Variants in THBS2 observed in about 807,000 individuals in gnomAD.
THBS2 encodes thrombospondin-2.
In THBS2, 47 loss-of-function variants were observed where a neutral mutation model predicts 135.2. The ratio of observed to expected loss-of-function variants is 0.35; its 90% CI spans 0.28 to 0.44. The LOEUF (loss-of-function observed/expected upper bound fraction) is 0.44, where lower values mean the gene tolerates loss of function less well. Ranked by LOEUF, THBS2 falls within the 20% of genes least tolerant of loss-of-function variation. The pLI is 1.00. For synonymous variants in THBS2, 639 were observed against 633.8 expected (o/e 1.01, Z -0.12); for missense variants, 1,288 against 1,603.1 (o/e 0.80, Z 3.36).
intron 3 of THBS2, among the ~76,000 whole-genome samples, chr6:169,246,898 T>C (rs2115031219): frequency 6.6e-6 from 1 of 152,366 alleles, no homozygotes; most frequent in East Asian, 1.9e-4. Flanking sequence ...GGGAGCAATG[T>C]ACCATACACC....
At chr6:169,246,103 G>T in intron 4 of THBS2, 94 bp downstream of exon 4, 1 of 1,002,960 alleles carries the variant, frequency 1.0e-6, no homozygotes, top group Non-Finnish European at 1.5e-6. Flanking sequence ...TTACAAGCAT[G>T]AATGCACACA....
intron 3 of THBS2, among the ~76,000 whole-genome samples, chr6:169,247,686 G>A (rs960734016): frequency 6.6e-6 from 1 of 151,708 alleles, no homozygotes; most frequent in African/African-American, 2.4e-5. Flanking sequence ...CACCTGTTTT[G>A]TGCACACATG....
At position 169,217,435 on chromosome 6, in the gene THBS2, T is replaced by C. The variant is rs1779215092; in HGVS notation, c.*387A>G. 1 of 209,266 alleles carries C rather than the reference T, an allele frequency of 4.8e-6. No homozygotes were observed. Among genetic ancestry groups the C allele is most frequent in the Non-Finnish European group, 9.4e-6 (1 of 106,048 alleles). The allele number at this position is 209,266 out of a possible 1,614,324, so 13.0% of individuals were successfully genotyped here. A position where few individuals can be genotyped will look rare whatever the true frequency, so the allele number is the denominator to read the frequency against. On this transcript the variant is annotated 3_prime_UTR_variant, in exon 22 of 22. Transcript: ENST00000617924. ...AATATTTTTCATGCTTAATTTATCA[T>C]AATGGCTTATGCACAGTATTCCCTT...
intron 7 of THBS2, 38 bp from the exon 8 acceptor site, chr6:169,237,833 C>T: frequency 3.1e-6 from 5 of 1,591,892 alleles, no homozygotes; most frequent in Non-Finnish European, 3.4e-6. Context: ...TCAGGCCCTG[C>T]CTCACAGACG....
In THBS2 at chr6:169,223,332, T is replaced by C; in HGVS notation, c.2917A>G (p.Thr973Ala). The C allele has an allele frequency of 6.2e-7, 1 of 1,614,210 alleles. No individual in the cohort carries two copies. The highest frequency in any genetic ancestry group is 8.5e-7 in the Non-Finnish European group (1 of 1,180,052). ...QMVPLDPKGT[T>A]QIDPNWVIRH... ...ATGACCCAGTTGGGATCAATTTGGG[T>C]GGTCCCTTTGGGATCCAAGGGGACC... Residue 973 changes from threonine to alanine, a missense_variant, in exon 18 of 22, where the codon ACC becomes GCC. Transcript: ENST00000617924.
intron 4 of THBS2, among the ~76,000 whole-genome samples, chr6:169,243,137 CG>C (rs1220061250): frequency 7.3e-6 from 1 of 136,990 alleles, no homozygotes; most frequent in East Asian, 2.4e-4. Flanking sequence ...ACCTTCCCAC[CG>C]CTCCCACCTT....
At chr6:169,224,511 C>T (rs895022861) in intron 17 of THBS2, among the ~76,000 whole-genome samples, 7 of 150,786 alleles carry the variant, frequency 4.6e-5, no homozygotes, top group South Asian at 4.2e-4. Flanking sequence ...CTGTCAAGGA[C>T]GTGGCTTCCA....
chr6:169,221,359 A>G, intron 20 of THBS2, 71 bp downstream of exon 20: 4 of 1,375,044 alleles, frequency 2.9e-6, no homozygotes, highest in Admixed American at 3.4e-5. Context: ...TTATTTGTCT[A>G]TTAATGTTCA....
chr6:169,223,688 T>G (rs904130299), intron 17 of THBS2, among the ~76,000 whole-genome samples: 1 of 152,134 alleles, frequency 6.6e-6, no homozygotes, highest in Admixed American at 6.5e-5. Context: ...TTCACAAAAT[T>G]TTTGTGATAA....
intron 3 of THBS2, among the ~76,000 whole-genome samples, chr6:169,248,174 T>TG (rs1780620801): frequency 6.6e-6 from 1 of 150,836 alleles, no homozygotes; most frequent in Non-Finnish European, 1.5e-5. Context: ...AGCATGTGTG[T>TG]TTGTGTGTGT....
At chr6:169,234,408 C>T in intron 10 of THBS2, 1 of 276,014 alleles carries the variant, frequency 3.6e-6, no homozygotes. Context: ...CACCACATAC[C>T]ATGCCACACA....
At position 169,220,338 on chromosome 6, in the gene THBS2, C is replaced by CT; in HGVS notation, c.3372-2dup. 1.3e-6 allele frequency: 2 copies of CT among 1,599,314 alleles called. No individual in the cohort carries two copies. Among genetic ancestry groups the CT allele is most frequent in the Non-Finnish European group, 1.7e-6 (2 of 1,173,152 alleles). On this transcript the variant is annotated splice_acceptor_variant, in intron 20 of 21. Coordinates refer to ENST00000617924, the MANE Select transcript of THBS2 (RefSeq NM_003247.5). LOFTEE classifies it high-confidence loss of function. Reference sequence around the variant, plus strand: ...CTGTTTTCCTTCATGCACTAAGACTCTAAAAATGGTGTTTAAAAAGAAGAA... The same window carrying CT: ...CTGTTTTCCTTCATGCACTAAGACTCTTAAAAATGGTGTTTAAAAAGAAGAA...
At position 169,250,567 on chromosome 6, in the gene THBS2, A is replaced by C. The variant is rs1780718527; in HGVS notation, c.52+166T>G. 3.3e-5 allele frequency among the ~76,000 whole-genome samples: 5 copies of C among 152,202 alleles called. No homozygotes were observed. In the South Asian group the frequency reaches 1.0e-3, roughly 32 times the overall value. ...GAATTTTCCAAAGATAAATTATCTC[A>C]TGTCATATTGGCTCAGAAGTAAGTT... is the stretch of plus-strand genomic sequence containing the variant. On this transcript the variant is annotated intron_variant, in intron 2 of 21. Transcript: ENST00000617924.
intron 9 of THBS2, among the ~76,000 whole-genome samples, chr6:169,235,324 ACAC>A (rs1017928022): frequency 6.6e-6 from 1 of 151,698 alleles, no homozygotes; most frequent in African/African-American, 2.4e-5. Context: ...GCCCGGCCCC[ACAC>A]CACCATTTAC....
At chr6:169,244,313 AAC>A (rs35075375) in intron 4 of THBS2, among the ~76,000 whole-genome samples, 16,142 of 147,162 alleles carry the variant, frequency 0.11, 1,044 homozygotes, top group Non-Finnish European at 0.14. Flanking sequence ...GTATGCTGGT[AAC>A]ACACACACAC....
At chr6:169,225,075 C>T (rs1016042910) in intron 17 of THBS2, 70 bp downstream of exon 17, 14 of 1,455,568 alleles carry the variant, frequency 9.6e-6, no homozygotes, top group Admixed American at 1.7e-5. Context: ...TCCGTGCATA[C>T]ATATCTCTGC....
chr6:169,232,881 G>A lies in THBS2; in HGVS notation c.1779+9C>T, dbSNP rs1365576136. On this transcript the variant is annotated intron_variant, in intron 11 of 21. Transcript: ENST00000617924. The stretch of plus-strand genomic sequence containing the variant: ...CAGGGCGCCCACAGCCCAGGGCGGG[G>A]TCACCCACCTCGTCCAGGTCCTCAC... The A allele has an allele frequency of 1.2e-6, 2 of 1,602,218 alleles. No individual in the cohort carries two copies. The highest frequency in any genetic ancestry group is 3.4e-5 in the Admixed American group (2 of 58,050).
chr6:169,235,951 C>T (rs1453393453), intron 9 of THBS2, among the ~76,000 whole-genome samples: 2 of 129,192 alleles, frequency 1.5e-5, no homozygotes, highest in African/African-American at 5.9e-5. Context: ...ACTCACTCCC[C>T]ATCCACACTC....
rs970797337 is a variant in THBS2 at position 169,252,445 on chromosome 6, G to T, written c.-23+1279C>A. Among the ~76,000 whole-genome samples, 10 of 152,202 alleles carry T rather than the reference G, an allele frequency of 6.6e-5. No homozygotes were observed. The highest frequency in any genetic ancestry group is 2.4e-4 in the African/African-American group (10 of 41,458). ...AGCTGTGTGGGGCTGGCCCTGCAGAGGCCAGCCAAGAACAGGATGGTAAAT... is the reference window on the plus strand; with the variant it reads ...AGCTGTGTGGGGCTGGCCCTGCAGATGCCAGCCAAGAACAGGATGGTAAAT... On this transcript the variant is annotated intron_variant, in intron 1 of 21. Transcript: ENST00000617924. This position sits in a 1 kb window ranked among gnomAD's most constrained non-coding sequence, Gnocchi z 4.3.
Sources: gnomAD v4.1 joint callset for allele counts (sites outside exome capture counted in the v4.1 genomes callset) on GRCh38, gnomAD v4.1.1 for gene constraint, Gnocchi (gnomAD v3.1) non-coding constraint, MANE v1.5 for transcripts, NCBI Gene and HGNC (gene_info 2026-07-23, HGNC 2026-07-21) for gene names.